Variants in AP3B1 observed in about 807,000 individuals in gnomAD.
AP3B1 encodes the protein adaptor related protein complex 3 subunit beta 1, also known as AP-3 complex subunit beta-1.
Under a neutral mutation model 132.5 loss-of-function variants are expected in AP3B1, and 61 were observed. That is an observed-to-expected ratio of 0.46 (90% CI 0.37 to 0.57). The LOEUF is 0.57. AP3B1 is among the 20% of genes least tolerant of loss of function. The pLI, the probability that AP3B1 is intolerant of heterozygous loss-of-function variation, is 0.00. For missense variants in AP3B1, 1,120 were observed against 1,289.4 expected (o/e 0.87, Z 2.01); for synonymous variants, 388 against 438.3 (o/e 0.89, Z 1.43).
chr5:78,011,238 G>T (rs1409850217), intron 26 of AP3B1, among the ~76,000 whole-genome samples: 1 of 151,838 alleles, frequency 6.6e-6, no homozygotes, highest in Non-Finnish European at 1.5e-5. Flanking sequence ...TAGAGACGGG[G>T]TTTCACCATG....
At chr5:78,102,854 AGT>A (rs1751185753) in intron 20 of AP3B1, among the ~76,000 whole-genome samples, 1 of 152,160 alleles carries the variant, frequency 6.6e-6, no homozygotes, top group South Asian at 2.1e-4. Context: ...CACAGCCAAG[AGT>A]GTGTAACAAT....
At chr5:78,235,308 T>A (rs911697160) in intron 3 of AP3B1, among the ~76,000 whole-genome samples, 1 of 152,234 alleles carries the variant, frequency 6.6e-6, no homozygotes, top group Admixed American at 6.5e-5. Context: ...AATACCTTTA[T>A]TCACCAAGTA....
chr5:78,249,132 A>T (rs1412125115), intron 2 of AP3B1, among the ~76,000 whole-genome samples: 1 of 152,022 alleles, frequency 6.6e-6, no homozygotes, highest in Non-Finnish European at 1.5e-5. Flanking sequence ...AGGAGGGCGG[A>T]TCACCTGAGA....
chr5:78,128,125 T>G lies in AP3B1; in HGVS notation c.1873A>C (p.Thr625Pro). The G allele has an allele frequency of 1.2e-6, 2 of 1,612,186 alleles. No homozygotes were observed. The highest frequency in any genetic ancestry group is 1.7e-6 in the Non-Finnish European group (2 of 1,178,512). Reference protein sequence around the residue: ...DHFQLGTLSHTLNIKATGYLE... With the variant: ...DHFQLGTLSHPLNIKATGYLE... ...TACCCAGTAGCTTTAATGTTGAGAG[T>G]ATGAGATAAGGTGCCAAGCTGGAAA... The change falls in exon 17 of 27, where the codon ACT (threonine) becomes CCT (proline). Residue 625 changes from threonine (T) to proline (P), a missense_variant. By Grantham distance (38) the Thr-to-Pro change is conservative. Coordinates refer to ENST00000255194, the MANE Select transcript of AP3B1 (RefSeq NM_003664.5).
rs373988102 is a variant in AP3B1 at position 78,123,291 on chromosome 5, G to C, written c.1968+4739C>G. 2.6e-5 allele frequency among the ~76,000 whole-genome samples: 4 copies of C among 152,178 alleles called. No homozygotes were observed. The East Asian group carries it at 7.7e-4, about 29-fold the overall frequency. ...CCATTCAGGACAGAGGCATGGGCAA[G>C]GACTTCATGTCTAAAACACCAAAAG... On this transcript the variant is annotated intron_variant, in intron 17 of 26. Coordinates refer to ENST00000255194, the MANE Select transcript of AP3B1 (RefSeq NM_003664.5).
At chr5:78,163,652 T>TATACTATATATAC (rs1380730275) in intron 12 of AP3B1, among the ~76,000 whole-genome samples, 5 of 144,836 alleles carry the variant, frequency 3.5e-5, no homozygotes, top group Admixed American at 1.4e-4. Flanking sequence ...TATATATATA[T>TATACTATATATAC]ACACACACAC....
intron 7 of AP3B1, among the ~76,000 whole-genome samples, chr5:78,204,851 C>A (rs1427104587): frequency 6.6e-6 from 1 of 152,074 alleles, no homozygotes; most frequent in Non-Finnish European, 1.5e-5. Context: ...AGTTTCAGGC[C>A]CCATTTTCTT....
chr5:78,031,513 C>T (rs917148513), intron 24 of AP3B1, among the ~76,000 whole-genome samples: 10 of 152,192 alleles, frequency 6.6e-5, no homozygotes, highest in Admixed American at 4.6e-4. Context: ...ACGTCTTTCC[C>T]AGGCAAGTGG....
chr5:78,070,135 C>T (rs543195190), intron 22 of AP3B1, among the ~76,000 whole-genome samples: 16 of 151,960 alleles, frequency 1.1e-4, no homozygotes, highest in South Asian at 4.2e-4. Flanking sequence ...GATTGGGCAC[C>T]GTGGCTCACA....
At chr5:78,198,062 G>A (rs1401600192) in intron 7 of AP3B1, among the ~76,000 whole-genome samples, 1 of 152,084 alleles carries the variant, frequency 6.6e-6, no homozygotes, top group Admixed American at 6.6e-5. Flanking sequence ...ATTTGAACTC[G>A]GGAATTATTA....
intron 20 of AP3B1, among the ~76,000 whole-genome samples, chr5:78,103,405 G>A (rs1459866986): frequency 6.6e-6 from 1 of 152,108 alleles, no homozygotes; most frequent in African/African-American, 2.4e-5. Context: ...ACCGCAGCAT[G>A]AGCCATGGAG....
intron 22 of AP3B1, chr5:78,043,019 T>A (rs1378365041): frequency 6.1e-6 from 1 of 164,348 alleles, no homozygotes. Flanking sequence ...TCCCAATCAA[T>A]GATTTCTCCT....
chr5:78,142,157 T>C (rs1037549594), intron 14 of AP3B1, among the ~76,000 whole-genome samples: 1 of 152,252 alleles, frequency 6.6e-6, no homozygotes, highest in African/African-American at 2.4e-5. Context: ...ATTTTGGCAC[T>C]ATATTTTTAA....
At chr5:78,260,598 AT>A (rs1426696931) in intron 2 of AP3B1, among the ~76,000 whole-genome samples, 4 of 152,148 alleles carry the variant, frequency 2.6e-5, no homozygotes, top group African/African-American at 9.7e-5. Flanking sequence ...CATCTCAAAA[AT>A]AAAAAATAGA....
At chr5:78,055,868 A>G (rs1465538492) in intron 22 of AP3B1, among the ~76,000 whole-genome samples, 1 of 152,218 alleles carries the variant, frequency 6.6e-6, no homozygotes, top group Admixed American at 6.5e-5. Flanking sequence ...TATTTAATAA[A>G]CTGCATGTCT....
intron 17 of AP3B1, among the ~76,000 whole-genome samples, chr5:78,122,859 A>G (rs1202635819): frequency 7.2e-5 from 11 of 152,234 alleles, no homozygotes; most frequent in Non-Finnish European, 1.5e-5. Flanking sequence ...TAAAGTTCAT[A>G]TGGAACCAAG....
intron 7 of AP3B1, among the ~76,000 whole-genome samples, chr5:78,205,697 G>A (rs1745475409): frequency 6.6e-6 from 1 of 152,022 alleles, no homozygotes; most frequent in African/African-American, 2.4e-5. Context: ...ATTAGAAAAT[G>A]GTCAGCATGT....
intron 2 of AP3B1, among the ~76,000 whole-genome samples, chr5:78,255,128 A>G (rs577369505): frequency 1.3e-5 from 2 of 152,230 alleles, no homozygotes; most frequent in East Asian, 3.9e-4. Context: ...AAAAAACTAA[A>G]TCATATTACC....
chr5:78,257,965 A>G (rs2112547195), intron 2 of AP3B1, among the ~76,000 whole-genome samples: 1 of 152,346 alleles, frequency 6.6e-6, no homozygotes, highest in East Asian at 1.9e-4. Context: ...ATATGCAGGA[A>G]AACAAAATTA....
Sources: gnomAD v4.1 joint callset for allele counts (sites outside exome capture counted in the v4.1 genomes callset) on GRCh38, gnomAD v4.1.1 for gene constraint, MANE v1.5 for transcripts, NCBI Gene and HGNC (gene_info 2026-07-23, HGNC 2026-07-21) for gene names.